Variants in LOC400499 observed in about 807,000 individuals in gnomAD.
the LOC400499 span, among the ~76,000 whole-genome samples, chr16:11,387,721 G>C: frequency 3.3e-5 from 5 of 152,012 alleles, no homozygotes; most frequent in African/African-American, 9.7e-5. Context: ...TCTGCCTCCC[G>C]GGTTTGTTTC....
chr16:11,502,083 T>C, the LOC400499 span: 1 of 399,050 alleles, frequency 2.5e-6, no homozygotes. Context: ...TTACCCATTG[T>C]CTCGGCATTT....
the LOC400499 span, chr16:11,446,540 C>A: frequency 4.6e-6 from 7 of 1,535,856 alleles, no homozygotes; most frequent in South Asian, 8.3e-5. Flanking sequence ...TCTGGGGTCT[C>A]TGCTCTTACC....
At chr16:11,400,382 C>G in the LOC400499 span, among the ~76,000 whole-genome samples, 5 of 152,136 alleles carry the variant, frequency 3.3e-5, no homozygotes, top group African/African-American at 1.2e-4. Flanking sequence ...TCTCACTGAC[C>G]ACCCACCTTA....
the LOC400499 span, chr16:11,440,671 G>C: frequency 1.0e-5 from 4 of 398,666 alleles, no homozygotes; most frequent in East Asian, 1.1e-4. Flanking sequence ...CTTCACTAAA[G>C]GTTATTAAGA....
chr16:11,473,766 A>AAAC, the LOC400499 span, among the ~76,000 whole-genome samples: 2 of 152,038 alleles, frequency 1.3e-5, no homozygotes, highest in African/African-American at 4.8e-5. Flanking sequence ...AAAAAAAAAA[A>AAAC]AAAGTTATGC....
the LOC400499 span, chr16:11,448,191 T>G: frequency 1.6e-6 from 2 of 1,258,598 alleles, no homozygotes; most frequent in African/African-American, 1.5e-5. Flanking sequence ...CAGAAATGAC[T>G]ATCCGAGAAT....
chr16:11,406,787 G>A, the LOC400499 span, among the ~76,000 whole-genome samples: 31 of 152,298 alleles, frequency 2.0e-4, no homozygotes, highest in African/African-American at 5.5e-4. Flanking sequence ...CTCATGTGTC[G>A]TCTCTTCAGT....
the LOC400499 span, chr16:11,460,407 G>T: frequency 1.4e-6 from 2 of 1,440,726 alleles, no homozygotes; most frequent in East Asian, 2.5e-5. Context: ...GATGAGTTCA[G>T]GGTACTCAGA....
chr16:11,383,229 C>CTAAT, the LOC400499 span, among the ~76,000 whole-genome samples: 2 of 151,760 alleles, frequency 1.3e-5, no homozygotes, highest in Non-Finnish European at 2.9e-5. Context: ...CCATGCCCGG[C>CTAAT]TAATTTTTTT....
At chr16:11,460,318 A>C in the LOC400499 span, among the ~76,000 whole-genome samples, 3 of 152,300 alleles carry the variant, frequency 2.0e-5, no homozygotes, top group African/African-American at 4.8e-5. Context: ...ATGAACAGAC[A>C]TAAGACTGAG....
At chr16:11,377,958 C>A in the LOC400499 span, among the ~76,000 whole-genome samples, 1 of 152,246 alleles carries the variant, frequency 6.6e-6, no homozygotes, top group African/African-American at 2.4e-5. Context: ...CTGATTCAAT[C>A]TCCTTGGTAG....
At chr16:11,385,305 GT>G in the LOC400499 span, 5 of 1,232,204 alleles carry the variant, frequency 4.1e-6, no homozygotes, top group Non-Finnish European at 5.1e-6. Flanking sequence ...CAGCGAGAAT[GT>G]GTTGTGAGCA....
chr16:11,383,192 A>C, the LOC400499 span, among the ~76,000 whole-genome samples: 462 of 152,030 alleles, frequency 3.0e-3, 1 homozygote, highest in African/African-American at 0.01. Context: ...CAGCCTCCTG[A>C]GTAGCTGGGA....
the LOC400499 span, among the ~76,000 whole-genome samples, chr16:11,517,647 G>A: frequency 3.9e-5 from 6 of 152,142 alleles, no homozygotes; most frequent in Admixed American, 1.3e-4. Flanking sequence ...GTCCCGAGAC[G>A]GGGGCCTTCT....
chr16:11,445,608 C>T, the LOC400499 span, among the ~76,000 whole-genome samples: 1 of 152,054 alleles, frequency 6.6e-6, no homozygotes, highest in Admixed American at 6.5e-5. Context: ...GGTCCCGAGG[C>T]AGGAAAGAGC....
At chr16:11,421,150 G>A in the LOC400499 span, among the ~76,000 whole-genome samples, 3 of 152,288 alleles carry the variant, frequency 2.0e-5, no homozygotes, top group Non-Finnish European at 1.5e-5. Context: ...CAGATCCAGA[G>A]ACTCAGTGTG....
chr16:11,515,118 C>T, the LOC400499 span, among the ~76,000 whole-genome samples: 1 of 151,994 alleles, frequency 6.6e-6, no homozygotes, highest in African/African-American at 2.4e-5. Context: ...TCAGCCTGGG[C>T]AACATAGCAA....
the LOC400499 span, among the ~76,000 whole-genome samples, chr16:11,479,379 G>A: frequency 6.6e-6 from 1 of 151,966 alleles, no homozygotes; most frequent in Admixed American, 6.6e-5. Context: ...TAGGGAGGCC[G>A]AGAAAAGAGG....
the LOC400499 span, among the ~76,000 whole-genome samples, chr16:11,504,206 G>C: frequency 7.2e-4 from 109 of 152,326 alleles, no homozygotes; most frequent in African/African-American, 2.5e-3. Context: ...GGAGAAAAGA[G>C]GGCAGATCTA....
Sources: gnomAD v4.1 joint callset for allele counts (sites outside exome capture counted in the v4.1 genomes callset) on GRCh38, gnomAD v4.1.1 for gene constraint, MANE v1.5 for transcripts.